REEP5: variants seen among roughly 807,000 people sequenced by gnomAD.
The protein encoded by REEP5 is receptor accessory protein 5.
REEP5 carries 24 observed loss-of-function variants against 22.4 expected under a neutral mutation model. That is an observed-to-expected ratio of 1.07 (90% CI 0.78 to 1.51). REEP5 has a LOEUF of 1.51. Ranked by LOEUF, REEP5 falls within the 40% of genes most tolerant of loss-of-function variation. The probability of loss-of-function intolerance (pLI) is 0.00; values close to 1 mark genes in which losing one functional copy is unlikely to be tolerated. For synonymous variants in REEP5, 103 were observed against 88.6 expected (o/e 1.16, Z -0.92); for missense variants, 252 against 233.0 (o/e 1.08, Z -0.53).
At chr5:112,900,593 G>T (rs538159581) in intron 3 of REEP5, among the ~76,000 whole-genome samples, 2 of 152,026 alleles carry the variant, frequency 1.3e-5, no homozygotes, top group Non-Finnish European at 2.9e-5. Flanking sequence ...TGCTTTGCTG[G>T]GGTAGAAGGG....
At chr5:112,918,153 T>C (rs1404082392) in intron 2 of REEP5, among the ~76,000 whole-genome samples, 1 of 152,182 alleles carries the variant, frequency 6.6e-6, no homozygotes, top group East Asian at 1.9e-4. Flanking sequence ...GAATTGCCTA[T>C]ATAAGATGGC....
chr5:112,920,933 G>A (rs935406039), intron 2 of REEP5, among the ~76,000 whole-genome samples: 6 of 152,164 alleles, frequency 3.9e-5, no homozygotes, highest in Non-Finnish European at 8.8e-5. Flanking sequence ...GGGGACACTG[G>A]TCACCAGGAT....
At chr5:112,886,567 A>T (rs1005407762) in intron 4 of REEP5, among the ~76,000 whole-genome samples, 2 of 152,194 alleles carry the variant, frequency 1.3e-5, no homozygotes, top group African/African-American at 4.8e-5. Flanking sequence ...AAGATCAAGA[A>T]TTTTTTGTAA....
chr5:112,879,152 TAAGAG>T (rs1452977085), intron 4 of REEP5, among the ~76,000 whole-genome samples: 1 of 152,132 alleles, frequency 6.6e-6, no homozygotes, highest in African/African-American at 2.4e-5. Context: ...AGAGATTCCT[TAAGAG>T]TAGTGTTCAA....
At chr5:112,917,387 G>A (rs1769254481) in intron 2 of REEP5, among the ~76,000 whole-genome samples, 1 of 152,206 alleles carries the variant, frequency 6.6e-6, no homozygotes, top group African/African-American at 2.4e-5. Context: ...TGGACTACCT[G>A]TTTGATCTTT....
intron 3 of REEP5, 91 bp downstream of exon 3, chr5:112,902,289 G>A (rs1333652135): frequency 7.8e-7 from 1 of 1,275,464 alleles, no homozygotes; most frequent in South Asian, 1.6e-5. Flanking sequence ...ATCTGAGACA[G>A]AGCCACAGAT....
intron 2 of REEP5, among the ~76,000 whole-genome samples, chr5:112,919,849 G>A (rs1769313082): frequency 6.6e-6 from 1 of 152,154 alleles, no homozygotes; most frequent in Admixed American, 6.5e-5. Flanking sequence ...CTAAGACAGT[G>A]TTCACAGGTC....
intron 2 of REEP5, among the ~76,000 whole-genome samples, chr5:112,905,760 A>G (rs991934192): frequency 1.3e-5 from 2 of 151,912 alleles, no homozygotes; most frequent in African/African-American, 4.8e-5. Flanking sequence ...AGCTGGGACT[A>G]CAGGTTCACA....
intron 2 of REEP5, among the ~76,000 whole-genome samples, chr5:112,903,715 G>A (rs541301907): frequency 1.3e-5 from 2 of 152,194 alleles, no homozygotes; most frequent in Non-Finnish European, 2.9e-5. Context: ...GCAGCTATGT[G>A]TGTGAGTTTT....
intron 2 of REEP5, among the ~76,000 whole-genome samples, chr5:112,918,450 T>C (rs1445802159): frequency 6.6e-6 from 1 of 152,176 alleles, no homozygotes; most frequent in Non-Finnish European, 1.5e-5. Flanking sequence ...ATTTCATCTT[T>C]GCATCCTGCA....
intron 4 of REEP5, chr5:112,885,087 G>A (rs76290842): frequency 0.02 from 3,199 of 157,266 alleles, 106 homozygotes; most frequent in African/African-American, 0.073. Context: ...CAGGCTGGCC[G>A]TCAGGGCCTC....
intron 4 of REEP5, 139 bp from the exon 5 acceptor site, chr5:112,878,974 T>A: frequency 7.3e-7 from 1 of 1,376,574 alleles, no homozygotes; most frequent in Non-Finnish European, 1.0e-6. Context: ...ATGTTGGGGT[T>A]TGTGGTCTGG....
At chr5:112,910,694 G>C (rs1193486889) in intron 2 of REEP5, among the ~76,000 whole-genome samples, 1 of 152,124 alleles carries the variant, frequency 6.6e-6, no homozygotes, top group East Asian at 1.9e-4. Flanking sequence ...CTGAATGATG[G>C]TCACCAGCAT....
chr5:112,885,423 G>GA (rs1768213312), intron 4 of REEP5: 1 of 192,020 alleles, frequency 5.2e-6, no homozygotes, highest in Non-Finnish European at 1.1e-5. Context: ...AGCACTTGGG[G>GA]ATGGATGCTC....
chr5:112,883,867 G>A (rs1194647552), intron 4 of REEP5, among the ~76,000 whole-genome samples: 1 of 151,990 alleles, frequency 6.6e-6, no homozygotes, highest in African/African-American at 2.4e-5. Context: ...ATCTGTTCAG[G>A]CTAAAAAGCT....
chr5:112,921,971 G>T, intron 1 of REEP5, 102 bp downstream of exon 1: 1 of 1,389,420 alleles, frequency 7.2e-7, no homozygotes, highest in Non-Finnish European at 9.6e-7. Flanking sequence ...GTCTGTCTCC[G>T]ACTCCACCTT....
chr5:112,883,143 A>C (rs1768128973), intron 4 of REEP5, among the ~76,000 whole-genome samples: 1 of 152,164 alleles, frequency 6.6e-6, no homozygotes, highest in Non-Finnish European at 1.5e-5. Context: ...AAACTTTTAA[A>C]ATTTCAGGAC....
intron 2 of REEP5, among the ~76,000 whole-genome samples, chr5:112,920,304 T>A (rs535657197): frequency 6.6e-6 from 1 of 152,364 alleles, no homozygotes; most frequent in African/African-American, 2.4e-5. Context: ...CTTAGCCTCC[T>A]AGGTGAAAAT....
At chr5:112,906,355 C>T (rs1311807973) in intron 2 of REEP5, among the ~76,000 whole-genome samples, 1 of 152,160 alleles carries the variant, frequency 6.6e-6, no homozygotes, top group Non-Finnish European at 1.5e-5. Context: ...TGCTATTTTA[C>T]TAATTAAGAA....
Sources: gnomAD v4.1 joint callset for allele counts (sites outside exome capture counted in the v4.1 genomes callset) on GRCh38, gnomAD v4.1.1 for gene constraint, MANE v1.5 for transcripts, NCBI Gene and HGNC (gene_info 2026-07-23, HGNC 2026-07-21) for gene names.